ZIC4: variants seen among roughly 807,000 people sequenced by gnomAD.
ZIC4 encodes zinc finger protein ZIC 4.
ZIC4 carries 15 observed loss-of-function variants against 28.8 expected under a neutral mutation model. The observed-to-expected ratio is 0.52, with a 90% confidence interval of 0.35 to 0.80. The LOEUF is 0.80. Among genes scored for constraint, ZIC4 ranks in the 30% least tolerant of loss-of-function variants. The probability of loss-of-function intolerance (pLI) is 0.01; values close to 1 mark genes in which losing one functional copy is unlikely to be tolerated. For missense variants in ZIC4, 512 were observed against 467.1 expected, an observed-to-expected ratio of 1.10 and a Z score of -0.89; for synonymous variants, 220 against 198.1, an observed-to-expected ratio of 1.11 and a Z score of -0.93.
intron 4 of ZIC4, among the ~76,000 whole-genome samples, chr3:147,390,145 C>A (rs555691642): frequency 6.6e-6 from 1 of 152,288 alleles, no homozygotes; most frequent in South Asian, 2.1e-4. Flanking sequence ...GTGCCCAGGC[C>A]ACTCCATAGG....
chr3:147,397,738 A>G (rs1409331752), intron 2 of ZIC4, among the ~76,000 whole-genome samples: 1 of 152,166 alleles, frequency 6.6e-6, no homozygotes, highest in Non-Finnish European at 1.5e-5. Flanking sequence ...TTGCTGACTC[A>G]GGAGCCAGGA....
chr3:147,403,851 T>C (rs1559966009), intron 1 of ZIC4: 2 of 1,054,082 alleles, frequency 1.9e-6, no homozygotes, highest in Non-Finnish European at 2.7e-6. Flanking sequence ...GATCTCTCTC[T>C]CTCTCTCTCC....
intron 1 of ZIC4, chr3:147,404,340 A>G: frequency 1.6e-6 from 2 of 1,266,294 alleles, no homozygotes; most frequent in South Asian, 4.6e-5. Context: ...GCAAACAAAT[A>G]TTGCAGAGAT....
chr3:147,395,384 C>A (rs990666783), intron 3 of ZIC4, among the ~76,000 whole-genome samples: 1 of 152,126 alleles, frequency 6.6e-6, no homozygotes, highest in Non-Finnish European at 1.5e-5. Context: ...CCCATTCGAC[C>A]CCCAACTCCT....
rs373825260 is a variant in ZIC4, at chr3:147,396,303, C to A, written c.237G>T (p.Pro79=). ...CGTCGCTGCGGGCCGCAGGCCCTGG[C>A]GGGAAGGGCTCCGGCCGCGCGTACA... The part of the protein sequence containing the change: ...GDMYARPEPF[P]PGPAARSDAL... The change falls in exon 3 of 5, where the codon CCG becomes CCT. Residue 79 remains proline (P), a synonymous_variant. Transcript: ENST00000383075. The surrounding 1 kb of genome is among the most constrained non-coding windows in gnomAD (Gnocchi z 4.2). 5.5e-5 allele frequency: 88 copies of A among 1,602,666 alleles called. No homozygotes were observed. The East Asian group carries it at 9.4e-4, about 17-fold the overall frequency.
At chr3:147,393,751 A>G (rs1392281676) in intron 3 of ZIC4, 5 of 366,052 alleles carry the variant, frequency 1.4e-5, no homozygotes, top group Non-Finnish European at 2.7e-5. Flanking sequence ...GACGCCGGGG[A>G]AGGTGTGGTG....
chr3:147,393,468 G>A (rs968639742), intron 3 of ZIC4: 1 of 158,898 alleles, frequency 6.3e-6, no homozygotes, highest in African/African-American at 2.4e-5. Context: ...GTGAAGAGGC[G>A]GCGTTGGGCT....
At chr3:147,403,863 C>T (rs78614461) in intron 1 of ZIC4, 63,052 of 1,154,806 alleles carry the variant, frequency 0.055, 2,117 homozygotes, top group Non-Finnish European at 0.063. Context: ...TCTCTCTCCC[C>T]CTCAACGTCC....
In ZIC4 at chr3:147,396,117, CG is replaced by C; in HGVS notation, c.422del (p.Pro141ArgfsTer52). On this transcript the variant is annotated frameshift_variant, in exon 3 of 5. Transcript: ENST00000383075. LOFTEE classifies it high-confidence loss of function. This position sits in a 1 kb window ranked among gnomAD's most constrained non-coding sequence, Gnocchi z 4.2. ...TGCTGAAAGTTTTGGAGCAGAGGCT[CG>C]GGGTCGCGGTGCCGTCGGCCGCCAG... Reference protein sequence around the residue: ...KWLAADGTATPSLCSKTFSTM... With the variant: ...KWLAADGTATXSLCSKTFSTM... 6.2e-7 allele frequency: 1 copy of C among 1,614,036 alleles called. No homozygotes were observed. The highest frequency in any genetic ancestry group is 8.5e-7 in the Non-Finnish European group (1 of 1,180,038).
At position 147,396,163 on chromosome 3, in the gene ZIC4, T is replaced by C. The variant is rs749476661; in HGVS notation, c.377A>G (p.Gln126Arg). The C allele has an allele frequency of 6.2e-7, 1 of 1,614,114 alleles. No individual in the cohort carries two copies. ...CGCCAGCCACTTGCAGATGAGCTCC[T>C]GTTTGATGGGCTGGCGCATGTAGCG... Reference protein sequence around the residue: ...FFRYMRQPIKQELICKWLAAD... With the variant: ...FFRYMRQPIKRELICKWLAAD... The change falls in exon 3 of 5, where the codon CAG becomes CGG. Residue 126 changes from glutamine to arginine, a missense_variant. Transcript: ENST00000383075. This position sits in a 1 kb window ranked among gnomAD's most constrained non-coding sequence, Gnocchi z 4.2.
Position 147,391,192 on chromosome 3 carries a change from C to G in ZIC4, c.743G>C (p.Ser248Thr). The change falls in exon 4 of 5, where the codon AGC becomes ACC. Residue 248 changes from serine to threonine, a missense_variant. By Grantham distance (58) the Ser-to-Thr change is moderately conservative. Around this residue, in one of 3 missense-constraint regions of ZIC4, gnomAD observed 58 missense variants for 93.8 expected, o/e 0.62. Coordinates refer to ENST00000383075, the MANE Select transcript of ZIC4 (RefSeq NM_032153.6). Reference sequence around the variant, plus strand: ...GTGCGAATGCTTCTTACGGTCGCTGCTGTTGGCGAAGCGCCGCTCGCAGCC... The same window carrying G: ...GTGCGAATGCTTCTTACGGTCGCTGGTGTTGGCGAAGCGCCGCTCGCAGCC... ...FEGCERRFAN[S>T]SDRKKHSHVH... 6.2e-7 allele frequency: 1 copy of G among 1,607,946 alleles called. No homozygotes were observed. The highest frequency in any genetic ancestry group is 8.5e-7 in the Non-Finnish European group (1 of 1,175,158).
intron 3 of ZIC4, chr3:147,393,916 G>C (rs993518385): frequency 2.6e-5 from 12 of 456,604 alleles, no homozygotes; most frequent in Non-Finnish European, 4.8e-5. Context: ...GCGGACAGTC[G>C]CCTTCAAAGC....
chr3:147,393,736 C>T lies in ZIC4; in HGVS notation c.688+2116G>A, dbSNP rs1381457818. The T allele has an allele frequency of 1.4e-5, 5 of 359,472 alleles. No homozygotes were observed. In the Admixed American group the frequency reaches 1.8e-4, roughly 13 times the overall value. 22.3% of individuals were successfully genotyped at this position (359,472 alleles called of 1,614,324 possible). A position where few individuals can be genotyped will look rare whatever the true frequency, so the allele number is the denominator to read the frequency against. On this transcript the variant is annotated intron_variant, in intron 3 of 4. Coordinates refer to ENST00000383075, the MANE Select transcript of ZIC4 (RefSeq NM_032153.6). ...CCTCGGATCCCCAGCACTGACTCGC[C>T]CTCAGACGCCGGGGAAGGTGTGGTG...
chr3:147,399,021 G>C (rs925044076), intron 2 of ZIC4, among the ~76,000 whole-genome samples: 1 of 151,668 alleles, frequency 6.6e-6, no homozygotes, highest in Non-Finnish European at 1.5e-5. Flanking sequence ...ACTTAGACAC[G>C]TCCAGGTCTT....
intron 2 of ZIC4, 62 bp downstream of exon 2, chr3:147,402,666 A>AG: frequency 6.8e-7 from 1 of 1,466,254 alleles, no homozygotes. Flanking sequence ...TTAAAAAAAA[A>AG]AAAGAAGAAG....
At position 147,386,658 on chromosome 3, in the gene ZIC4, A is replaced by G. The variant is rs1372529599; in HGVS notation, c.*2201T>C. On this transcript the variant is annotated 3_prime_UTR_variant, in exon 5 of 5. Transcript: ENST00000383075. Reference sequence around the variant, plus strand: ...GTTTTGGGGAAACCTGAACTGGGTGAAAGTTTCTTTGCTGGGCACAATATA... The same window carrying G: ...GTTTTGGGGAAACCTGAACTGGGTGGAAGTTTCTTTGCTGGGCACAATATA... 6 of 152,314 alleles carry G rather than the reference A, an allele frequency of 3.9e-5. No individual in the cohort carries two copies. The highest frequency in any genetic ancestry group is 8.8e-5 in the Non-Finnish European group (6 of 68,040). 9.4% of individuals were successfully genotyped at this position (152,314 alleles called of 1,614,324 possible). A position where few individuals can be genotyped will look rare whatever the true frequency, so the allele number is the denominator to read the frequency against.
intron 4 of ZIC4, 144 bp from the exon 5 acceptor site, chr3:147,389,003 G>C (rs1218854320): frequency 9.3e-6 from 6 of 643,960 alleles, no homozygotes; most frequent in Non-Finnish European, 1.7e-5. Flanking sequence ...TCAGGAAGGG[G>C]GACTTTTTAA....
In ZIC4 at chr3:147,396,617, C is replaced by G; in HGVS notation, c.71-148G>C. 9.3e-7 allele frequency: 1 copy of G among 1,077,472 alleles called. No homozygotes were observed. The highest frequency in any genetic ancestry group is 1.3e-6 in the Non-Finnish European group (1 of 797,006). 66.7% of individuals were successfully genotyped at this position (1,077,472 alleles called of 1,614,324 possible). A position where few individuals can be genotyped will look rare whatever the true frequency, so the allele number is the denominator to read the frequency against. On this transcript the variant is annotated intron_variant, in intron 2 of 4. Coordinates refer to ENST00000383075, the MANE Select transcript of ZIC4 (RefSeq NM_032153.6). This position sits in a 1 kb window ranked among gnomAD's most constrained non-coding sequence, Gnocchi z 4.2. The stretch of plus-strand genomic sequence containing the variant: ...AGAGCCAGACAGCGCCAGCAGTGAA[C>G]CCGGTGGACAGAGCAAGGCCAAACA...
chr3:147,405,313 G>C, intron 1 of ZIC4: 3 of 1,433,184 alleles, frequency 2.1e-6, no homozygotes, highest in Non-Finnish European at 2.8e-6. Flanking sequence ...AAAAAGAGCA[G>C]CATGCAGTGG....
Sources: gnomAD v4.1 joint callset for allele counts (sites outside exome capture counted in the v4.1 genomes callset) on GRCh38, gnomAD v4.1.1 for gene constraint, gnomAD v4.1.1 regional missense constraint, Gnocchi (gnomAD v3.1) non-coding constraint, MANE v1.5 for transcripts, NCBI Gene and HGNC (gene_info 2026-07-23, HGNC 2026-07-21) for gene names.